Variants in JPH1 observed in about 807,000 individuals in gnomAD.
JPH1 encodes junctophilin 1.
JPH1 carries 12 observed loss-of-function variants against 53.6 expected under a neutral mutation model. That is an observed-to-expected ratio of 0.22 (90% CI 0.14 to 0.36). JPH1 has a LOEUF of 0.36. Among genes scored for constraint, JPH1 ranks in the 10% least tolerant of loss-of-function variants. The pLI is 1.00. For missense variants in JPH1, 808 were observed against 905.5 expected (o/e 0.89, Z 1.38); for synonymous variants, 375 against 363.8 (o/e 1.03, Z -0.35).
intron 2 of JPH1, among the ~76,000 whole-genome samples, chr8:74,263,830 C>CT (rs35504255): frequency 0.46 from 70,230 of 151,978 alleles, 17,184 homozygotes; most frequent in African/African-American, 0.63. Context: ...AGCTGTGAGC[C>CT]TTCTTTTGGA....
At chr8:74,277,843 A>G (rs1205686738) in intron 2 of JPH1, among the ~76,000 whole-genome samples, 2 of 152,210 alleles carry the variant, frequency 1.3e-5, no homozygotes, top group African/African-American at 2.4e-5. Flanking sequence ...TAAGTTTCTA[A>G]ATAAGTAATA....
intron 4 of JPH1, among the ~76,000 whole-genome samples, chr8:74,244,109 CAGG>C (rs1478866540): frequency 2.0e-5 from 3 of 152,182 alleles, no homozygotes; most frequent in Admixed American, 6.5e-5. Context: ...GTGGTGAAAA[CAGG>C]AGAACTAAGA....
Position 74,319,667 on chromosome 8 carries a change from A to G in JPH1, c.379+1242T>C, listed in dbSNP as rs915969944. ...CTAAGTGAAGTGTACAAATTGTGTA[A>G]GCTTTTATATAAGCAATGGTATAAA... On this transcript the variant is annotated intron_variant, in intron 1 of 5. Coordinates refer to ENST00000342232, the MANE Select transcript of JPH1 (RefSeq NM_020647.4). 1.3e-5 allele frequency among the ~76,000 whole-genome samples: 2 copies of G among 152,352 alleles called. 1 individual carries two copies. The highest frequency in any genetic ancestry group is 1.3e-4 in the Admixed American group (2 of 15,302).
intron 2 of JPH1, among the ~76,000 whole-genome samples, chr8:74,281,698 G>C (rs1807021144): frequency 6.6e-6 from 1 of 152,108 alleles, no homozygotes; most frequent in Non-Finnish European, 1.5e-5. Context: ...TGGTTAGTGG[G>C]AGCTACCCCA....
intron 4 of JPH1, among the ~76,000 whole-genome samples, chr8:74,243,260 T>C (rs1805749746): frequency 6.6e-6 from 1 of 152,234 alleles, no homozygotes; most frequent in African/African-American, 2.4e-5. Context: ...TACTGTCATA[T>C]TAAGGTTTAA....
At chr8:74,241,552 ATCTT>A (rs1805690883) in intron 4 of JPH1, among the ~76,000 whole-genome samples, 2 of 152,070 alleles carry the variant, frequency 1.3e-5, no homozygotes, top group Non-Finnish European at 2.9e-5. Context: ...TCAAAAAATT[ATCTT>A]TTTTTCCTTT....
chr8:74,292,659 A>AAAAG, intron 2 of JPH1, among the ~76,000 whole-genome samples: 1 of 151,946 alleles, frequency 6.6e-6, no homozygotes, highest in African/African-American at 2.4e-5. Context: ...TAAAAAACAA[A>AAAAG]CAAACAGAAA....
rs188765478 is a variant in JPH1, at chr8:74,265,036, C to T, written c.1140-5533G>A. ...TGCACACGGTAATCCTTTCTAATCA[C>T]ATGACTCTATTTTTATACCCCCAAA... On this transcript the variant is annotated intron_variant, in intron 2 of 5. Transcript: ENST00000342232. Among the ~76,000 whole-genome samples the T allele has an allele frequency of 2.8e-3, 429 of 152,296 alleles. 1 individual carries two copies. Among genetic ancestry groups the T allele is most frequent in the Non-Finnish European group, 4.8e-3 (327 of 68,012 alleles).
At chr8:74,239,758 T>C (rs1805640633) in intron 4 of JPH1, among the ~76,000 whole-genome samples, 1 of 152,176 alleles carries the variant, frequency 6.6e-6, no homozygotes, top group Non-Finnish European at 1.5e-5. Flanking sequence ...AATTCTAAAA[T>C]GCTGCAATGA....
intron 2 of JPH1, among the ~76,000 whole-genome samples, chr8:74,293,179 T>C (rs1807389328): frequency 6.6e-6 from 1 of 152,188 alleles, no homozygotes; most frequent in African/African-American, 2.4e-5. Context: ...CTTCTACTAC[T>C]AATCTAGTAA....
In JPH1 at chr8:74,244,797, A is replaced by T; in HGVS notation, c.1637T>A (p.Leu546Gln). Residue 546 changes from leucine to glutamine, a missense_variant, in exon 4 of 6, where the codon CTG (leucine) becomes CAG (glutamine). Physicochemically the swap from Leu to Gln is moderately radical, Grantham distance 113. Transcript: ENST00000342232. The stretch of plus-strand genomic sequence containing the variant: ...GTAGTAGCCGTGATACTGAGAATGC[A>T]GCTCCCCGTTACTGGGGTTGGGGAT... ...HHIPNPSNGE[L>Q]HSQYHGYYVK... 1 of 1,614,174 alleles carries T rather than the reference A, an allele frequency of 6.2e-7. No homozygotes were observed. The highest frequency in any genetic ancestry group is 1.6e-4 in the Middle Eastern group (1 of 6,062).
At chr8:74,307,860 G>T (rs1384058922) in intron 2 of JPH1, among the ~76,000 whole-genome samples, 2 of 152,144 alleles carry the variant, frequency 1.3e-5, no homozygotes, top group Non-Finnish European at 2.9e-5. Flanking sequence ...CAAAGTCCTG[G>T]CCCTTTATAA....
intron 2 of JPH1, among the ~76,000 whole-genome samples, chr8:74,288,284 A>T (rs545192524): frequency 9.8e-5 from 15 of 152,358 alleles, no homozygotes; most frequent in Admixed American, 2.6e-4. Flanking sequence ...CCTCTGCAGC[A>T]GAATTTCAGC....
Position 74,315,592 on chromosome 8 carries a change from G to A in JPH1, c.408C>T (p.Gly136=). ...GGCGCACGCCGTAGCCATGCCGCAT[G>A]CCTCCGGCCCACTGGCCCTGGTAGG... ...GGTYQGQWAG[G]MRHGYGVRQS... The change falls in exon 2 of 6, where the codon GGC becomes GGT. Residue 136 remains glycine (G), a synonymous_variant. Transcript: ENST00000342232. The surrounding 1 kb of genome is among the most constrained non-coding windows in gnomAD (Gnocchi z 6.3). 1 of 1,603,198 alleles carries A rather than the reference G, an allele frequency of 6.2e-7. No homozygotes were observed. The highest frequency in any genetic ancestry group is 1.1e-5 in the South Asian group (1 of 90,670).
At chr8:74,305,067 T>A (rs1034586840) in intron 2 of JPH1, among the ~76,000 whole-genome samples, 5 of 152,266 alleles carry the variant, frequency 3.3e-5, no homozygotes. Flanking sequence ...ACTGTTGTAC[T>A]AAAGCTGAAT....
In JPH1 at chr8:74,320,744, C is replaced by T. The variant is rs372814982; in HGVS notation, c.379+165G>A. ...CGCGCCCCAGTCCGGTCCCAGCGCC[C>T]TCTCTGGGAAAGGCGGGCGCGGGCG... On this transcript the variant is annotated intron_variant, in intron 1 of 5. Transcript: ENST00000342232. This position sits in a 1 kb window ranked among gnomAD's most constrained non-coding sequence, Gnocchi z 4.4. 5.1e-4 allele frequency among the ~76,000 whole-genome samples: 77 copies of T among 152,290 alleles called. No homozygotes were observed. In the South Asian group the frequency reaches 0.015, roughly 29 times the overall value.
intron 3 of JPH1, among the ~76,000 whole-genome samples, chr8:74,250,520 C>G (rs946725606): frequency 3.3e-5 from 5 of 152,234 alleles, no homozygotes; most frequent in East Asian, 1.9e-4. Context: ...CCCGGTCCCC[C>G]CTGCTTCCTC....
At chr8:74,282,320 G>A (rs1807036850) in intron 2 of JPH1, among the ~76,000 whole-genome samples, 1 of 152,074 alleles carries the variant, frequency 6.6e-6, no homozygotes, top group Admixed American at 6.6e-5. Context: ...AAGACCCAAA[G>A]CTGTTATTCA....
chr8:74,269,083 T>C (rs1806622229), intron 2 of JPH1, among the ~76,000 whole-genome samples: 1 of 152,244 alleles, frequency 6.6e-6, no homozygotes, highest in African/African-American at 2.4e-5. Context: ...TAAAAAGATA[T>C]CTGTTTTATA....
Sources: allele counts gnomAD v4.1 joint callset (sites outside exome capture counted in the v4.1 genomes callset), GRCh38; gene constraint gnomAD v4.1.1; non-coding constraint Gnocchi (gnomAD v3.1); transcripts MANE v1.5; gene names NCBI Gene and HGNC (gene_info 2026-07-23, HGNC 2026-07-21).